Variants in SMUG1 observed in about 807,000 individuals in gnomAD.
SMUG1 encodes the protein single-strand-selective monofunctional uracil-DNA glycosylase 1.
SMUG1 carries 13 observed loss-of-function variants against 23.9 expected under a neutral mutation model. The observed-to-expected ratio is 0.54, with a 90% CI of 0.35 to 0.86. SMUG1 has a LOEUF of 0.86. SMUG1 is among the 40% of genes least tolerant of loss of function. SMUG1 has a pLI of 0.01. For synonymous variants in SMUG1, 133 were observed against 139.8 expected (o/e 0.95, Z 0.34); for missense variants, 313 against 339.5 (o/e 0.92, Z 0.61).
At chr12:54,184,557 G>A (rs1941888663) in intron 2 of SMUG1, among the ~76,000 whole-genome samples, 1 of 152,184 alleles carries the variant, frequency 6.6e-6, no homozygotes, top group Non-Finnish European at 1.5e-5. Context: ...GGACACTGAG[G>A]CTTAGCAAGA....
intron 3 of SMUG1, chr12:54,182,919 TG>T (rs1342864549): frequency 2.6e-6 from 1 of 386,732 alleles, no homozygotes; most frequent in South Asian, 4.3e-5. Context: ...CAGGGTTTGA[TG>T]GTTAGTACTG....
intron 2 of SMUG1, among the ~76,000 whole-genome samples, chr12:54,184,778 C>T (rs536384556): frequency 5.9e-5 from 9 of 152,338 alleles, no homozygotes; most frequent in African/African-American, 2.2e-4. Context: ...ATTACAGACT[C>T]CTCATAGAAT....
chr12:54,159,821 TGTGCACTGCGCATC>T (rs1284799312), downstream of SMUG1, among the ~76,000 whole-genome samples: 1 of 152,208 alleles, frequency 6.6e-6, no homozygotes, highest in Non-Finnish European at 1.5e-5. Flanking sequence ...CTGGCAGCCG[TGTGCACTGCGCATC>T]GGAGCATCAG....
At chr12:54,172,115 A>G (rs1490017136) in intron 2 of SMUG1, 2 of 454,548 alleles carry the variant, frequency 4.4e-6, no homozygotes, top group East Asian at 1.4e-4. Context: ...ATTTTCTGTA[A>G]AAAGACAAGG....
Position 54,181,183 on chromosome 12 carries a change from G to T in SMUG1, c.*913C>A. ...TGCTTAGAGTGAAAAAAAATCACAG[G>T]CTAGTTTTTTCATAGTCATTGATCC... On this transcript the variant is annotated 3_prime_UTR_variant, in exon 4 of 4. Coordinates refer to ENST00000682136, the MANE Select transcript of SMUG1 (RefSeq NM_001243787.2). 5.1e-6 allele frequency: 1 copy of T among 197,904 alleles called. No individual in the cohort carries two copies. Among genetic ancestry groups the T allele is most frequent in the African/African-American group, 2.3e-5 (1 of 43,374 alleles). 12.3% of individuals were successfully genotyped at this position (197,904 alleles called of 1,614,324 possible).
chr12:54,163,683 G>A (rs1783134856), downstream of SMUG1, among the ~76,000 whole-genome samples: 1 of 152,190 alleles, frequency 6.6e-6, no homozygotes, highest in Admixed American at 6.5e-5. Flanking sequence ...GTGGTTAAGA[G>A]CACAGGCTCC....
In SMUG1 at chr12:54,182,137, T is replaced by C; in HGVS notation, c.772A>G (p.Arg258Gly). ...GGCAGCAGCCCCAGCTCATTCAATC[T>C]TTCCTTGGCCACTGCCTCCCAGCCC... ...NKGWEAVAKE[R>G]LNELGLLPLL... The change falls in exon 4 of 4, where the codon AGA (arginine) becomes GGA (glycine). Residue 258 changes from arginine to glycine, a missense_variant. Coordinates refer to ENST00000682136, the MANE Select transcript of SMUG1 (RefSeq NM_001243787.2). 1.3e-6 allele frequency: 2 copies of C among 1,570,744 alleles called. No individual in the cohort carries two copies. Among genetic ancestry groups the C allele is most frequent in the Non-Finnish European group, 8.6e-7 (1 of 1,157,222 alleles).
chr12:54,181,826 C>T lies in SMUG1; in HGVS notation c.*270G>A. On this transcript the variant is annotated 3_prime_UTR_variant, in exon 4 of 4. Coordinates refer to ENST00000682136, the MANE Select transcript of SMUG1 (RefSeq NM_001243787.2). ...AGAGCAGTCTGCAAGTGCAAAAGCA[C>T]ACCTTCTGCAGATTCCCTACAAAGT... The T allele has an allele frequency of 7.0e-7, 1 of 1,424,420 alleles. No homozygotes were observed. Among genetic ancestry groups the T allele is most frequent in the Non-Finnish European group, 9.1e-7 (1 of 1,094,788 alleles). The allele number at this position is 1,424,420 out of a possible 1,614,324, so 88.2% of individuals were successfully genotyped here.
At chr12:54,172,623 C>T (rs768348936) in intron 2 of SMUG1, among the ~76,000 whole-genome samples, 2 of 152,226 alleles carry the variant, frequency 1.3e-5, no homozygotes, top group Non-Finnish European at 2.9e-5. Context: ...TACCCATCTG[C>T]ATCCTAACCT....
At chr12:54,188,295 A>AATAAAT (rs869289712) in intron 1 of SMUG1, among the ~76,000 whole-genome samples, 107 of 68,892 alleles carry the variant, frequency 1.6e-3, no homozygotes, top group East Asian at 5.6e-3. Context: ...TAATAATAAT[A>AATAAAT]AATAATAATA....
chr12:54,183,620 C>T (rs1214677541), intron 3 of SMUG1, 36 bp downstream of exon 3: 11 of 1,610,988 alleles, frequency 6.8e-6, no homozygotes, highest in Non-Finnish European at 9.3e-6. Context: ...ACCTAGAACC[C>T]CCCACTCCAC....
chr12:54,165,879 T>C (rs538061834), intron 3 of SMUG1, among the ~76,000 whole-genome samples: 2 of 152,314 alleles, frequency 1.3e-5, no homozygotes, highest in South Asian at 4.1e-4. Flanking sequence ...CCTCTTCGCC[T>C]ACACCAGAAA....
chr12:54,184,227 A>C, intron 2 of SMUG1: 17 of 312,858 alleles, frequency 5.4e-5, no homozygotes, highest in Admixed American at 9.7e-5. Context: ...CCCACTCCAA[A>C]TCTCCTTTCC....
intron 3 of SMUG1, chr12:54,183,254 T>C: frequency 3.1e-6 from 1 of 323,602 alleles, no homozygotes; most frequent in Non-Finnish European, 5.6e-6. Flanking sequence ...AGAACCCAGG[T>C]TCCCAGAACG....
downstream of SMUG1, among the ~76,000 whole-genome samples, chr12:54,163,861 T>G (rs1940352687): frequency 6.6e-6 from 1 of 152,234 alleles, no homozygotes; most frequent in Non-Finnish European, 1.5e-5. Flanking sequence ...AGGCGTTTAG[T>G]AAGTGTTCAT....
chr12:54,161,044 G>A (rs991819007), downstream of SMUG1, among the ~76,000 whole-genome samples: 7 of 152,082 alleles, frequency 4.6e-5, no homozygotes, highest in Admixed American at 2.0e-4. The surrounding 1 kb of genome is among the most constrained non-coding windows in gnomAD (Gnocchi z 4.2). Context: ...ACACACCCAC[G>A]ATGAAAGAGT....
chr12:54,176,796 G>C (rs1396361005), downstream of SMUG1, among the ~76,000 whole-genome samples: 1 of 144,498 alleles, frequency 6.9e-6, no homozygotes, highest in Non-Finnish European at 1.5e-5. Context: ...GACAGAGCAA[G>C]ACTCCGTGTC....
intron 1 of SMUG1, 184 bp downstream of exon 1, chr12:54,188,767 G>A (rs979261576): frequency 2.0e-5 from 3 of 152,224 alleles, no homozygotes; most frequent in African/African-American, 4.8e-5. Flanking sequence ...GGAAAGCCTT[G>A]ATCCTGCAGA....
intron 2 of SMUG1, chr12:54,184,161 T>C (rs1941793183): frequency 2.2e-6 from 1 of 448,086 alleles, no homozygotes; most frequent in Non-Finnish European, 3.9e-6. Context: ...CCACTTCCAT[T>C]ATCTGTCCTC....
Sources: allele counts gnomAD v4.1 joint callset (sites outside exome capture counted in the v4.1 genomes callset), GRCh38; gene constraint gnomAD v4.1.1; non-coding constraint Gnocchi (gnomAD v3.1); transcripts MANE v1.5; gene names NCBI Gene and HGNC (gene_info 2026-07-23, HGNC 2026-07-21).